The following DOK6 variants were observed in gnomAD, a reference collection of about 807,000 sequenced individuals.
The protein encoded by DOK6 is docking protein 6.
In DOK6, 22 loss-of-function variants were observed where a neutral mutation model predicts 44.0. The ratio of observed to expected loss-of-function variants is 0.50; its 90% CI spans 0.36 to 0.71. The LOEUF (loss-of-function observed/expected upper bound fraction) is 0.71, where lower values mean the gene tolerates loss of function less well. Among genes scored for constraint, DOK6 ranks in the 30% least tolerant of loss-of-function variants. DOK6 has a pLI of 0.00. For missense variants in DOK6, 340 were observed against 416.4 expected, an observed-to-expected ratio of 0.82 and a Z score of 1.60; for synonymous variants, 166 against 145.5, an observed-to-expected ratio of 1.14 and a Z score of -1.01.
chr18:69,660,819 C>CA (rs1346713104), intron 3 of DOK6: 1 of 152,058 alleles, frequency 6.6e-6, no homozygotes, highest in Non-Finnish European at 1.5e-5. Flanking sequence ...TACAGGCACC[C>CA]ACCACCACTC....
intron 3 of DOK6, among the ~76,000 whole-genome samples, chr18:69,620,498 T>C (rs1984415097): frequency 6.6e-6 from 1 of 152,160 alleles, no homozygotes; most frequent in Admixed American, 6.5e-5. Context: ...TTTCCTGATA[T>C]TGAACCATTT....
intron 5 of DOK6, among the ~76,000 whole-genome samples, chr18:69,704,075 G>A (rs547030255): frequency 7.6e-4 from 116 of 152,288 alleles, no homozygotes; most frequent in African/African-American, 2.2e-3. Flanking sequence ...AGCCTCCAGA[G>A]TGAGAAAATT....
At chr18:69,642,647 G>A (rs542305192) in intron 3 of DOK6, among the ~76,000 whole-genome samples, 16 of 151,674 alleles carry the variant, frequency 1.1e-4, no homozygotes, top group South Asian at 2.1e-4. Flanking sequence ...TTAGAAACTT[G>A]TCTCTTATAA....
chr18:69,703,357 C>G (rs1309336138), intron 5 of DOK6, among the ~76,000 whole-genome samples: 1 of 152,130 alleles, frequency 6.6e-6, no homozygotes, highest in Admixed American at 6.5e-5. Context: ...ATTTATCGAA[C>G]ACTATGGTAA....
chr18:69,629,030 T>C (rs1984625766), intron 3 of DOK6, among the ~76,000 whole-genome samples: 1 of 152,206 alleles, frequency 6.6e-6, no homozygotes, highest in Admixed American at 6.5e-5. Flanking sequence ...GATCACATAG[T>C]AGCAAAAAGT....
At chr18:69,818,289 G>C (rs942562398) in intron 7 of DOK6, among the ~76,000 whole-genome samples, 1 of 152,210 alleles carries the variant, frequency 6.6e-6, no homozygotes, top group African/African-American at 2.4e-5. Context: ...GGAGTGATGA[G>C]AGGAATGTGC....
At chr18:69,799,477 G>GA (rs746111090) in intron 7 of DOK6, among the ~76,000 whole-genome samples, 7 of 151,850 alleles carry the variant, frequency 4.6e-5, no homozygotes, top group Non-Finnish European at 7.4e-5. Flanking sequence ...GGAAAAAAGT[G>GA]AAAAAAAGCA....
In DOK6 at chr18:69,757,746, T is replaced by C. The variant is rs1313188705; in HGVS notation, c.739-10T>C. The C allele has an allele frequency of 1.2e-6, 2 of 1,611,918 alleles. No homozygotes were observed. Among genetic ancestry groups the C allele is most frequent in the African/African-American group, 1.3e-5 (1 of 74,890 alleles). On this transcript the variant is annotated splice_polypyrimidine_tract_variant and intron_variant, in intron 6 of 7. Coordinates refer to ENST00000382713, the MANE Select transcript of DOK6 (RefSeq NM_152721.6). Reference sequence around the variant, plus strand: ...AAACGAGGCCTAAAACACATTCTTTTCTCTTTTAGCTTCAGACAAGCTTGA... The same window carrying C: ...AAACGAGGCCTAAAACACATTCTTTCCTCTTTTAGCTTCAGACAAGCTTGA...
Position 69,677,802 on chromosome 18 carries a change from A to G in DOK6, c.358A>G (p.Ser120Gly), listed in dbSNP as rs927905394. 6 of 1,613,680 alleles carry G rather than the reference A, an allele frequency of 3.7e-6. No individual in the cohort carries two copies. The African/African-American group carries it at 8.0e-5, about 22-fold the overall frequency. ...ECLGTRLNDI[S>G]LGEPDLLAAG... ...TCTGGGGACCAGGCTCAATGATATC[A>G]GCCTTGGGGAGCCCGACCTTCTGGC... Residue 120 changes from serine (S) to glycine (G), a missense_variant, in exon 4 of 8, where the codon AGC becomes GGC. Around this residue, in one of 3 missense-constraint regions of DOK6, gnomAD observed 206 missense variants for 258.6 expected, o/e 0.80. Transcript: ENST00000382713.
At chr18:69,723,831 T>C (rs574712569) in intron 5 of DOK6, among the ~76,000 whole-genome samples, 1 of 152,282 alleles carries the variant, frequency 6.6e-6, no homozygotes, top group African/African-American at 2.4e-5. Flanking sequence ...GTCAGGTGAC[T>C]TTTCCAAGGC....
chr18:69,406,696 C>T (rs974521167), intron 1 of DOK6, among the ~76,000 whole-genome samples: 1 of 152,174 alleles, frequency 6.6e-6, no homozygotes, highest in African/African-American at 2.4e-5. Context: ...TATCTTTCTA[C>T]GATCTACATT....
At chr18:69,473,189 G>A (rs545949165) in intron 1 of DOK6, among the ~76,000 whole-genome samples, 2 of 152,266 alleles carry the variant, frequency 1.3e-5, no homozygotes, top group East Asian at 3.9e-4. Context: ...AAATAGGCTT[G>A]CCAAGTAAAA....
At chr18:69,569,804 G>A (rs924804242) in intron 2 of DOK6, among the ~76,000 whole-genome samples, 1 of 151,914 alleles carries the variant, frequency 6.6e-6, no homozygotes, top group African/African-American at 2.4e-5. Context: ...CAAGGACATG[G>A]AACCAACCTA....
At chr18:69,449,113 C>G (rs370154519) in intron 1 of DOK6, among the ~76,000 whole-genome samples, 2 of 152,194 alleles carry the variant, frequency 1.3e-5, no homozygotes, top group African/African-American at 4.8e-5. Context: ...ATCCTGACTT[C>G]TAGTCTAGTT....
intron 7 of DOK6, among the ~76,000 whole-genome samples, chr18:69,823,957 C>T (rs1460265661): frequency 2.0e-5 from 3 of 152,132 alleles, no homozygotes; most frequent in African/African-American, 7.2e-5. Flanking sequence ...GATGATAGTG[C>T]TACCAACCTG....
chr18:69,681,960 T>C (rs901317511), intron 4 of DOK6, among the ~76,000 whole-genome samples: 1 of 152,164 alleles, frequency 6.6e-6, no homozygotes, highest in Non-Finnish European at 1.5e-5. Context: ...TGCCATCTGG[T>C]TTATTCAGAG....
intron 3 of DOK6, among the ~76,000 whole-genome samples, chr18:69,664,662 C>T (rs1985611845): frequency 6.6e-6 from 1 of 152,196 alleles, no homozygotes; most frequent in East Asian, 1.9e-4. Context: ...CTCAGGGCTT[C>T]TCAGACTGTG....
At chr18:69,749,125 G>C (rs1200340883) in intron 6 of DOK6, among the ~76,000 whole-genome samples, 8 of 152,036 alleles carry the variant, frequency 5.3e-5, no homozygotes, top group Non-Finnish European at 1.0e-4. Context: ...TGGACACAGG[G>C]ATGGGGACAA....
chr18:69,668,852 A>T (rs1033666687), intron 3 of DOK6, among the ~76,000 whole-genome samples: 2 of 152,180 alleles, frequency 1.3e-5, no homozygotes, highest in Non-Finnish European at 2.9e-5. Context: ...GCATCTGACT[A>T]CTCAATAGTT....
Sources: gnomAD v4.1 joint callset for allele counts (sites outside exome capture counted in the v4.1 genomes callset) on GRCh38, gnomAD v4.1.1 for gene constraint, gnomAD v4.1.1 regional missense constraint, MANE v1.5 for transcripts, NCBI Gene and HGNC (gene_info 2026-07-23, HGNC 2026-07-21) for gene names.